The following MBTPS2 variants were observed in gnomAD, a reference collection of about 807,000 sequenced individuals.
MBTPS2 encodes membrane-bound transcription factor site-2 protease.
Under a neutral mutation model 35.4 loss-of-function variants are expected in MBTPS2, and 2 were observed. The observed-to-expected ratio is 0.06, with a 90% CI of 0.02 to 0.18. The LOEUF (loss-of-function observed/expected upper bound fraction) is 0.18, where lower values mean the gene tolerates loss of function less well. Ranked by LOEUF, MBTPS2 falls within the 10% of genes least tolerant of loss-of-function variation. The pLI, the probability that MBTPS2 is intolerant of heterozygous loss-of-function variation, is 1.00. For missense variants in MBTPS2, 244 were observed against 386.5 expected, an observed-to-expected ratio of 0.63 and a Z score of 3.09; for synonymous variants, 125 against 140.4, an observed-to-expected ratio of 0.89 and a Z score of 0.77.
At position 21,864,794 on chromosome X, in the gene MBTPS2, G is replaced by C. The variant is rs143352835; in HGVS notation, c.671-3673G>C. On this transcript the variant is annotated intron_variant, in intron 5 of 10. Coordinates refer to ENST00000379484, the MANE Select transcript of MBTPS2 (RefSeq NM_015884.4). ...GCAGAGATTGTACCACTGCACTCCAGCTGGATGACAGAGTGAGAACTCTGT... is the reference window on the plus strand; with the variant it reads ...GCAGAGATTGTACCACTGCACTCCACCTGGATGACAGAGTGAGAACTCTGT... Among the ~76,000 whole-genome samples the C allele has an allele frequency of 8.4e-4, 93 of 111,190 alleles. 2 individuals are homozygous for C. The East Asian group carries it at 0.024, about 29-fold the overall frequency.
chrX:21,841,642 A>G (rs1241276278), intron 1 of MBTPS2, among the ~76,000 whole-genome samples: 2 of 106,079 alleles, frequency 1.9e-5, no homozygotes, highest in East Asian at 6.1e-4. Flanking sequence ...ACAAAGCCAC[A>G]TGATTTCTTC....
intron 9 of MBTPS2, among the ~76,000 whole-genome samples, chrX:21,880,130 T>C (rs776883420): frequency 9.2e-6 from 1 of 108,350 alleles, no homozygotes; most frequent in Admixed American, 1.0e-4. Context: ...ATGTTTGGTA[T>C]TTTTGGTAGA....
chrX:21,883,359 GC>G lies in MBTPS2; in HGVS notation c.*705del. ...TCTGCCCCCTCATAAAGCAGCACTA[GC>G]TTTGACATCCACGGTGAGCTGCAGG... On this transcript the variant is annotated 3_prime_UTR_variant, in exon 11 of 11. Transcript: ENST00000379484. 1 of 755,029 alleles carries G rather than the reference GC, an allele frequency of 1.3e-6. No individual in the cohort carries two copies. The highest frequency in any genetic ancestry group is 8.5e-5 in the Admixed American group (1 of 11,787). 62.2% of individuals were successfully genotyped at this position (755,029 alleles called of 1,213,427 possible).
chrX:21,842,327 T>C (rs745567597), intron 1 of MBTPS2, among the ~76,000 whole-genome samples: 2 of 111,877 alleles, frequency 1.8e-5, no homozygotes, highest in Non-Finnish European at 3.8e-5. Context: ...TTAGATAAGT[T>C]TTTTACTTTT....
chrX:21,847,690 G>T (rs1424179252), intron 3 of MBTPS2, among the ~76,000 whole-genome samples: 1 of 112,236 alleles, frequency 8.9e-6, no homozygotes, highest in African/African-American at 3.2e-5. Flanking sequence ...TGATTTATTT[G>T]AAATAAAGGT....
intron 6 of MBTPS2, among the ~76,000 whole-genome samples, chrX:21,868,933 G>T (rs1327295253): frequency 8.9e-6 from 1 of 112,408 alleles, no homozygotes; most frequent in African/African-American, 3.2e-5. Context: ...TAAGAAAGAT[G>T]AAACCTAGGC....
chrX:21,880,833 A>G (rs1455845589), intron 9 of MBTPS2, 64 bp from the exon 10 acceptor site: 4 of 803,600 alleles, frequency 5.0e-6, no homozygotes, highest in Non-Finnish European at 7.6e-6. Flanking sequence ...ATATGGTAGA[A>G]TTCATAATGC....
At chrX:21,865,046 C>G (rs1263331709) in intron 5 of MBTPS2, among the ~76,000 whole-genome samples, 1 of 106,722 alleles carries the variant, frequency 9.4e-6, no homozygotes. Flanking sequence ...CCACACCCAG[C>G]TAATTTTTGT....
At chrX:21,881,890 C>T (rs1170625030) in intron 10 of MBTPS2, among the ~76,000 whole-genome samples, 2 of 111,241 alleles carry the variant, frequency 1.8e-5, no homozygotes, top group Admixed American at 9.6e-5. Context: ...GAGCCAAGAT[C>T]GCTCCACTGC....
At chrX:21,863,255 G>C (rs1329290671) in intron 5 of MBTPS2, among the ~76,000 whole-genome samples, 1 of 74,608 alleles carries the variant, frequency 1.3e-5, no homozygotes, top group Non-Finnish European at 2.4e-5. Flanking sequence ...GCGACAGTGA[G>C]ACTGTCTCAA....
chrX:21,860,965 A>C (rs2092930708), intron 5 of MBTPS2, among the ~76,000 whole-genome samples: 1 of 112,289 alleles, frequency 8.9e-6, no homozygotes, highest in Non-Finnish European at 1.9e-5. Flanking sequence ...AAGTATCTGT[A>C]CAGGCAAAAC....
intron 5 of MBTPS2, among the ~76,000 whole-genome samples, chrX:21,862,824 C>A (rs1194910731): frequency 2.2e-5 from 2 of 89,812 alleles, no homozygotes; most frequent in Non-Finnish European, 4.4e-5. Context: ...AAACAAAAAA[C>A]ATATATATAT....
chrX:21,868,321 C>T (rs2092943056), intron 5 of MBTPS2, 146 bp from the exon 6 acceptor site: 2 of 545,908 alleles, frequency 3.7e-6, no homozygotes, highest in Admixed American at 4.6e-5. Flanking sequence ...CATCTGTCTG[C>T]TCTACTAATA....
chrX:21,847,879 G>A (rs1762788213), intron 3 of MBTPS2, among the ~76,000 whole-genome samples: 1 of 111,916 alleles, frequency 8.9e-6, no homozygotes, highest in African/African-American at 3.2e-5. Context: ...TAGGGTCCAA[G>A]TAAAGAGAAT....
chrX:21,845,623 G>C (rs2092907916), intron 3 of MBTPS2, among the ~76,000 whole-genome samples: 1 of 112,235 alleles, frequency 8.9e-6, no homozygotes, highest in African/African-American at 3.2e-5. Flanking sequence ...CATTAAGACT[G>C]TCAGCAATTA....
At chrX:21,856,297 C>T (rs2092921560) in intron 5 of MBTPS2, 1 of 369,558 alleles carries the variant, frequency 2.7e-6, no homozygotes, top group Non-Finnish European at 4.6e-6. Context: ...TTCTCTGCAG[C>T]TCGCGCCTTT....
At chrX:21,871,966 A>G (rs914710519) in intron 7 of MBTPS2, 17 of 109,386 alleles carry the variant, frequency 1.6e-4, no homozygotes, top group African/African-American at 5.6e-4. Flanking sequence ...TATTGCATCC[A>G]GTATCTATTG....
At chrX:21,880,271 G>A (rs1030707850) in intron 9 of MBTPS2, among the ~76,000 whole-genome samples, 2 of 110,473 alleles carry the variant, frequency 1.8e-5, no homozygotes, top group African/African-American at 6.6e-5. Context: ...CTCTTTAAAA[G>A]ACTCTCTCAT....
At chrX:21,881,774 A>G (rs2092959628) in intron 10 of MBTPS2, among the ~76,000 whole-genome samples, 1 of 110,573 alleles carries the variant, frequency 9.0e-6, no homozygotes, top group Non-Finnish European at 1.9e-5. Context: ...CATCTCTACT[A>G]AAAACACAAA....
Sources: allele counts gnomAD v4.1 joint callset (sites outside exome capture counted in the v4.1 genomes callset), GRCh38; gene constraint gnomAD v4.1.1; transcripts MANE v1.5; gene names NCBI Gene and HGNC (gene_info 2026-07-23, HGNC 2026-07-21).